Variants in NLRP12 observed in about 807,000 individuals in gnomAD.
NLRP12 encodes the protein NLR family pyrin domain containing 12.
NLRP12 carries 108 observed loss-of-function variants against 91.2 expected under a neutral mutation model. The ratio of observed to expected loss-of-function variants is 1.18; its 90% CI spans 1.01 to 1.39. NLRP12 has a LOEUF of 1.39. Among genes scored for constraint, NLRP12 ranks in the 40% most tolerant of loss-of-function variants. The pLI, the probability that NLRP12 is intolerant of heterozygous loss-of-function variation, is 0.00. For missense variants in NLRP12, 1,530 were observed against 1,352.7 expected (o/e 1.13, Z -2.06); for synonymous variants, 613 against 566.7 (o/e 1.08, Z -1.16).
chr19:53,798,218 C>T (rs1600674946), intron 8 of NLRP12, 25 bp downstream of exon 8: 1 of 1,613,862 alleles, frequency 6.2e-7, no homozygotes, highest in East Asian at 2.2e-5. Context: ...TGACCACTGC[C>T]ACCCCGTCAC....
chr19:53,795,535 CG>C (rs1190625676), intron 9 of NLRP12, among the ~76,000 whole-genome samples: 1 of 150,828 alleles, frequency 6.6e-6, no homozygotes, highest in Non-Finnish European at 1.5e-5. Flanking sequence ...CCACCACGCC[CG>C]GCTAATTTTT....
intron 7 of NLRP12, 133 bp downstream of exon 7, chr19:53,801,094 C>CAAA (rs35326804): frequency 1.8e-4 from 119 of 653,040 alleles, no homozygotes; most frequent in African/African-American, 6.8e-4. Context: ...TTGGGAGTCT[C>CAAA]AAAAAAAAAA....
chr19:53,797,078 A>AG, intron 8 of NLRP12, among the ~76,000 whole-genome samples: 1 of 152,158 alleles, frequency 6.6e-6, no homozygotes, highest in South Asian at 2.1e-4. Context: ...CAGAAAGGTG[A>AG]GGGAGAAAGT....
intron 3 of NLRP12, among the ~76,000 whole-genome samples, chr19:53,809,141 G>A (rs895047279): frequency 6.0e-5 from 9 of 149,906 alleles, no homozygotes; most frequent in Admixed American, 6.7e-5. Flanking sequence ...CAGGAGAATC[G>A]CTTGAACCCG....
intron 2 of NLRP12, among the ~76,000 whole-genome samples, chr19:53,811,492 C>T: frequency 6.6e-6 from 1 of 151,394 alleles, no homozygotes; most frequent in Non-Finnish European, 1.5e-5. Context: ...CTAGCCTGGG[C>T]AACAGAGCCA....
rs760012636 is a variant in NLRP12 at position 53,809,587 on chromosome 19, A to G, written c.2072T>C (p.Leu691Pro). 44 of 1,609,396 alleles carry G rather than the reference A, an allele frequency of 2.7e-5. No individual in the cohort carries two copies. In the South Asian group the frequency reaches 4.8e-4, roughly 18 times the overall value. The change falls in exon 3 of 10, where the codon CTA becomes CCA. Residue 691 changes from leucine (L) to proline (P), a missense_variant and splice_region_variant. Transcript: ENST00000324134. ...CAGGGGATACCCCAGGGATACTTAC[A>G]GCTGCACCAACAGCGTGTGCGCTCC... ...SAGAHTLLVQ[L>P]PERTVLLDAY...
chr19:53,796,230 G>T (rs1600669910), intron 8 of NLRP12: 1 of 611,446 alleles, frequency 1.6e-6, no homozygotes. Context: ...CCACCAATTA[G>T]CATGGCTAAT....
Position 53,810,964 on chromosome 19 carries a change from A to G in NLRP12, c.695T>C (p.Leu232Pro), listed in dbSNP as rs761110604. 3.7e-6 allele frequency: 6 copies of G among 1,614,030 alleles called. No homozygotes were observed. The highest frequency in any genetic ancestry group is 1.6e-4 in the Middle Eastern group (1 of 6,084). Residue 232 changes from leucine (L) to proline (P), a missense_variant, in exon 3 of 10, where the codon CTG (leucine) becomes CCG (proline). Coordinates refer to ENST00000324134, the MANE Select transcript of NLRP12 (RefSeq NM_144687.4). ...GKSMLAHKVMLDWADGKLFQG... is the reference protein window; with the variant it reads ...GKSMLAHKVMPDWADGKLFQG... ...GAAGAGCTTCCCGTCCGCCCAGTCC[A>G]GCATCACCTTGTGTGCCAGCATGGA...
intron 5 of NLRP12, among the ~76,000 whole-genome samples, chr19:53,804,420 G>A (rs1385842823): frequency 8.3e-6 from 1 of 120,562 alleles, no homozygotes; most frequent in East Asian, 2.6e-4. Context: ...TTTTTTTGAG[G>A]TAGAACCTCA....
At chr19:53,801,442 CTTTTTCTTTTTTTTTTTT>C in intron 6 of NLRP12, 45 bp from the exon 7 acceptor site, 2 of 1,301,338 alleles carry the variant, frequency 1.5e-6, no homozygotes, top group Middle Eastern at 2.8e-4. Context: ...GCTTTCCTTT[CTTTTTCTTTTTTTTTTTT>C]TTTTTTTTTG....
chr19:53,810,346 T>C lies in NLRP12; in HGVS notation c.1313A>G (p.Tyr438Cys), dbSNP rs781056025. Residue 438 changes from tyrosine (Y) to cysteine (C), a missense_variant, in exon 3 of 10, where the codon TAC (tyrosine) becomes TGC (cysteine). Tyr to Cys is a radical substitution (Grantham distance 194, BLOSUM62 -2). Coordinates refer to ENST00000324134, the MANE Select transcript of NLRP12 (RefSeq NM_144687.4). ...SRTTTAVYML[Y>C]LLSLMQPKPG... ...CTTGGGTTGCATCAGACTCAGCAGG[T>C]AGAGCATGTACACTGCAGTGGTGGT... 1 of 1,613,454 alleles carries C rather than the reference T, an allele frequency of 6.2e-7. No homozygotes were observed. Among genetic ancestry groups the C allele is most frequent in the Middle Eastern group, 1.6e-4 (1 of 6,062 alleles).
chr19:53,809,532 A>AAAAC (rs1291117830), intron 3 of NLRP12, 55 bp downstream of exon 3: 93 of 1,398,880 alleles, frequency 6.6e-5, no homozygotes, highest in South Asian at 1.9e-4. Context: ...AAAAAAAAAA[A>AAAAC]AAAAAAAAAC....
chr19:53,806,632 G>C (rs923796118), intron 4 of NLRP12, among the ~76,000 whole-genome samples: 7 of 129,456 alleles, frequency 5.4e-5, no homozygotes, highest in African/African-American at 2.1e-4. Context: ...AGTGAGCCGA[G>C]ATCACGCTAC....
Position 53,810,342 on chromosome 19 carries a change from C to G in NLRP12, c.1317G>C (p.Leu439=), listed in dbSNP as rs368381958. The change falls in exon 3 of 10, where the codon CTG becomes CTC. Residue 439 remains leucine, a synonymous_variant. Coordinates refer to ENST00000324134, the MANE Select transcript of NLRP12 (RefSeq NM_144687.4). ...RTTTAVYMLY[L]LSLMQPKPGA... ...CCGGCTTGGGTTGCATCAGACTCAG[C>G]AGGTAGAGCATGTACACTGCAGTGG... 5.3e-5 allele frequency: 86 copies of G among 1,613,472 alleles called. No individual in the cohort carries two copies. The highest frequency in any genetic ancestry group is 6.7e-5 in the Non-Finnish European group (79 of 1,180,036).
At chr19:53,823,439 A>C (rs1453045601) in intron 1 of NLRP12, among the ~76,000 whole-genome samples, 1 of 113,186 alleles carries the variant, frequency 8.8e-6, no homozygotes, top group African/African-American at 3.2e-5. Flanking sequence ...TATTTAAAAT[A>C]TATGTTTTAA....
At chr19:53,806,857 C>G (rs1300054704) in intron 4 of NLRP12, among the ~76,000 whole-genome samples, 1 of 85,954 alleles carries the variant, frequency 1.2e-5, no homozygotes, top group Non-Finnish European at 2.8e-5. Context: ...ATCAGTGTCT[C>G]AAAAATTTAA....
At chr19:53,801,448 CTTTTTTTTTTTTT>C in intron 6 of NLRP12, 51 bp from the exon 7 acceptor site, 4 of 1,276,134 alleles carry the variant, frequency 3.1e-6, no homozygotes, top group East Asian at 3.0e-5. Context: ...CTTTCTTTTT[CTTTTTTTTTTTTT>C]TTTTTTTTGA....
intron 2 of NLRP12, among the ~76,000 whole-genome samples, chr19:53,812,052 C>A (rs2092085161): frequency 6.6e-6 from 1 of 151,826 alleles, no homozygotes; most frequent in African/African-American, 2.4e-5. Context: ...GCCGGAGCAA[C>A]ATAGTGAGAC....
At chr19:53,819,798 C>T (rs1269221134) in intron 1 of NLRP12, among the ~76,000 whole-genome samples, 2 of 149,186 alleles carry the variant, frequency 1.3e-5, no homozygotes, top group Non-Finnish European at 3.0e-5. Flanking sequence ...CTCACCACAA[C>T]CTCCGTCTCC....
Sources: allele counts gnomAD v4.1 joint callset (sites outside exome capture counted in the v4.1 genomes callset), GRCh38; gene constraint gnomAD v4.1.1; transcripts MANE v1.5; gene names NCBI Gene and HGNC (gene_info 2026-07-23, HGNC 2026-07-21).